Variants in MGAT4C observed in about 807,000 individuals in gnomAD.
MGAT4C encodes the protein alpha-1,3-mannosyl-glycoprotein 4-beta-N-acetylglucosaminyltransferase C.
MGAT4C carries 19 observed loss-of-function variants against 40.1 expected under a neutral mutation model. The ratio of observed to expected loss-of-function variants is 0.47; its 90% confidence interval spans 0.33 to 0.70. The LOEUF (loss-of-function observed/expected upper bound fraction) is 0.70. MGAT4C is among the 30% of genes least tolerant of loss of function. The pLI is 0.02. For synonymous variants in MGAT4C, 181 were observed against 187.1 expected (o/e 0.97, Z 0.27); for missense variants, 491 against 563.2 (o/e 0.87, Z 1.30).
chr12:86,149,040 T>C (rs1039847542), intron 1 of MGAT4C, among the ~76,000 whole-genome samples: 1 of 152,196 alleles, frequency 6.6e-6, no homozygotes, highest in African/African-American at 2.4e-5. Flanking sequence ...CATTTTAAGT[T>C]CTTATTTCTG....
At chr12:86,616,926 T>A (rs1056935886) in intron 2 of MGAT4C, among the ~76,000 whole-genome samples, 2 of 152,112 alleles carry the variant, frequency 1.3e-5, no homozygotes, top group African/African-American at 4.8e-5. Flanking sequence ...ACACAAATCT[T>A]ACTTCTCAAA....
chr12:86,697,537 T>C (rs1234851092), intron 2 of MGAT4C, among the ~76,000 whole-genome samples: 2 of 152,200 alleles, frequency 1.3e-5, no homozygotes, highest in East Asian at 3.9e-4. Flanking sequence ...TTACACAAAA[T>C]GTAATCACCC....
chr12:86,073,050 C>T (rs1224521890), intron 1 of MGAT4C, among the ~76,000 whole-genome samples: 2 of 152,074 alleles, frequency 1.3e-5, no homozygotes, highest in Non-Finnish European at 2.9e-5. Context: ...AATTTTAGCT[C>T]CCGTAATTCC....
chr12:86,704,806 C>T (rs1950426619), intron 2 of MGAT4C, among the ~76,000 whole-genome samples: 1 of 152,176 alleles, frequency 6.6e-6, no homozygotes, highest in Non-Finnish European at 1.5e-5. Flanking sequence ...TATATTACTA[C>T]TAAGACTTAA....
chr12:86,470,046 C>A (rs1386971518), intron 2 of MGAT4C, among the ~76,000 whole-genome samples: 1 of 152,028 alleles, frequency 6.6e-6, no homozygotes, highest in Non-Finnish European at 1.5e-5. Context: ...TATGTATACA[C>A]CACATTTTAT....
chr12:86,091,444 T>C (rs1258593553), intron 1 of MGAT4C, among the ~76,000 whole-genome samples: 2 of 151,916 alleles, frequency 1.3e-5, no homozygotes, highest in African/African-American at 4.8e-5. Context: ...ACTAGCCAAA[T>C]ACAAAAGAAA....
rs187574299 is a variant in MGAT4C at position 86,538,399 on chromosome 12, C to T, written c.-228-103134G>A. On this transcript the variant is annotated intron_variant, in intron 2 of 7. Transcript: ENST00000548651. Reference sequence around the variant, plus strand: ...TGCAATGGCTGGACACCAGGCACTACAGTCCAGAGGATCTCATGATGGAGT... The same window carrying T: ...TGCAATGGCTGGACACCAGGCACTATAGTCCAGAGGATCTCATGATGGAGT... 5.9e-5 allele frequency among the ~76,000 whole-genome samples: 9 copies of T among 152,290 alleles called. No homozygotes were observed. The East Asian group carries it at 1.4e-3, about 23-fold the overall frequency.
At chr12:86,404,792 C>T (rs140563175) in intron 3 of MGAT4C, among the ~76,000 whole-genome samples, 3 of 152,066 alleles carry the variant, frequency 2.0e-5, no homozygotes, top group Non-Finnish European at 4.4e-5. Flanking sequence ...GATGATTGAT[C>T]ATCTATGAAA....
chr12:86,305,630 C>A (rs976498177), intron 4 of MGAT4C, among the ~76,000 whole-genome samples: 1 of 150,082 alleles, frequency 6.7e-6, no homozygotes, highest in Admixed American at 6.6e-5. Flanking sequence ...CCCATGAACA[C>A]CAAAATCTGC....
chr12:86,690,803 C>G (rs1266659565), intron 2 of MGAT4C, among the ~76,000 whole-genome samples: 1 of 152,148 alleles, frequency 6.6e-6, no homozygotes, highest in Non-Finnish European at 1.5e-5. Flanking sequence ...TCTCAGGACT[C>G]AATATTTTCA....
At chr12:86,145,955 A>T (rs1309682487) in intron 1 of MGAT4C, among the ~76,000 whole-genome samples, 1 of 152,162 alleles carries the variant, frequency 6.6e-6, no homozygotes, top group Non-Finnish European at 1.5e-5. Context: ...ATACAAAAAA[A>T]TTAGCAGATC....
At chr12:86,084,630 T>G (rs1478355686) in intron 1 of MGAT4C, among the ~76,000 whole-genome samples, 1 of 151,904 alleles carries the variant, frequency 6.6e-6, no homozygotes, top group African/African-American at 2.4e-5. Context: ...TTAGCGCAAC[T>G]GCTTTGCTAG....
intron 2 of MGAT4C, among the ~76,000 whole-genome samples, chr12:86,478,193 A>C (rs1957873856): frequency 6.6e-6 from 1 of 152,210 alleles, no homozygotes; most frequent in African/African-American, 2.4e-5. Flanking sequence ...GAGAGGTCAG[A>C]GGCCAGTCTA....
At chr12:86,450,424 C>G (rs957315395) in intron 2 of MGAT4C, among the ~76,000 whole-genome samples, 4 of 152,012 alleles carry the variant, frequency 2.6e-5, no homozygotes, top group Non-Finnish European at 5.9e-5. Flanking sequence ...GACAATTATT[C>G]AAATTGTCAA....
rs917395270 is a variant in MGAT4C, at chr12:86,485,650, T to C, written c.-228-50385A>G. 2.6e-5 allele frequency among the ~76,000 whole-genome samples: 4 copies of C among 152,134 alleles called. No individual in the cohort carries two copies. In the East Asian group the frequency reaches 5.8e-4, roughly 22 times the overall value. ...GAGAGGGTAAGCAACTTGGAAAATA[T>C]ATTGGAGGATACAATCCATGAAAAT... On this transcript the variant is annotated intron_variant, in intron 2 of 7. Transcript: ENST00000548651.
At chr12:86,357,421 C>T (rs945281664) in intron 3 of MGAT4C, among the ~76,000 whole-genome samples, 1 of 152,192 alleles carries the variant, frequency 6.6e-6, no homozygotes, top group Non-Finnish European at 1.5e-5. Flanking sequence ...ACCTCTTCTC[C>T]TCCAATGGAA....
Position 85,965,017 on chromosome 12 carries a change from A to AAAGG in MGAT4C, c.*14271_*14272insCCTT, listed in dbSNP as rs1883284145. ...CTATTCTCTGTCAAATGTGGAGGTCATGGATCCTTCTTGGCACCTAAGATT... is the reference window on the plus strand; with the variant it reads ...CTATTCTCTGTCAAATGTGGAGGTCAAAGGTGGATCCTTCTTGGCACCTAAGATT... On this transcript the variant is annotated 3_prime_UTR_variant, in exon 5 of 5. Transcript: ENST00000611864. 1 of 152,190 alleles carries AAAGG rather than the reference A, an allele frequency of 6.6e-6. No individual in the cohort carries two copies. Among genetic ancestry groups the AAAGG allele is most frequent in the Non-Finnish European group, 1.5e-5 (1 of 68,036 alleles). 9.4% of individuals were successfully genotyped at this position (152,190 alleles called of 1,614,324 possible). A position where few individuals can be genotyped will look rare whatever the true frequency, so the allele number is the denominator to read the frequency against.
intron 3 of MGAT4C, among the ~76,000 whole-genome samples, chr12:86,392,779 T>C (rs1165685568): frequency 6.6e-6 from 1 of 152,254 alleles, no homozygotes; most frequent in Admixed American, 6.5e-5. Context: ...TGTAAATATA[T>C]GTTTGAATGA....
At chr12:86,510,301 G>A (rs1958550145) in intron 2 of MGAT4C, among the ~76,000 whole-genome samples, 1 of 152,058 alleles carries the variant, frequency 6.6e-6, no homozygotes, top group South Asian at 2.1e-4. Flanking sequence ...GAGAGATTTT[G>A]TCACCAACAG....
Sources: allele counts gnomAD v4.1 joint callset (sites outside exome capture counted in the v4.1 genomes callset), GRCh38; gene constraint gnomAD v4.1.1; transcripts MANE v1.5; gene names NCBI Gene and HGNC (gene_info 2026-07-23, HGNC 2026-07-21).